TMEM45B: variants seen among roughly 807,000 people sequenced by gnomAD.
TMEM45B encodes the protein transmembrane protein 45B.
Under a neutral mutation model 27.3 loss-of-function variants are expected in TMEM45B, and 29 were observed. That is an observed-to-expected ratio of 1.06 (90% CI 0.79 to 1.45). TMEM45B has a LOEUF of 1.45. Ranked by LOEUF, TMEM45B falls within the 40% of genes most tolerant of loss-of-function variation. The probability of loss-of-function intolerance (pLI) is 0.00; values close to 1 mark genes in which losing one functional copy is unlikely to be tolerated. For missense variants in TMEM45B, 348 were observed against 343.9 expected, an observed-to-expected ratio of 1.01 and a Z score of -0.09; for synonymous variants, 143 against 134.7, an observed-to-expected ratio of 1.06 and a Z score of -0.43.
chr11:129,843,043 G>A (rs921470076), intron 1 of TMEM45B, among the ~76,000 whole-genome samples: 43 of 152,286 alleles, frequency 2.8e-4, no homozygotes, highest in African/African-American at 9.1e-4. Context: ...AGGTTCAAGC[G>A]ATTCTTCTGC....
chr11:129,849,872 C>T (rs1243368508), intron 1 of TMEM45B, among the ~76,000 whole-genome samples: 2 of 152,182 alleles, frequency 1.3e-5, no homozygotes, highest in African/African-American at 2.4e-5. Flanking sequence ...ATGAGCAAGG[C>T]AGCCCCAAAT....
intron 1 of TMEM45B, among the ~76,000 whole-genome samples, chr11:129,821,595 T>C (rs2135551343): frequency 6.6e-6 from 1 of 152,332 alleles, no homozygotes; most frequent in African/African-American, 2.4e-5. Context: ...TTGTGCCCAT[T>C]TGAGATGTCA....
chr11:129,847,057 A>T (rs1947769683), intron 1 of TMEM45B, among the ~76,000 whole-genome samples: 1 of 152,208 alleles, frequency 6.6e-6, no homozygotes, highest in Non-Finnish European at 1.5e-5. Flanking sequence ...TCAACAAACG[A>T]GTATAATGCA....
chr11:129,854,663 G>A lies in TMEM45B; in HGVS notation c.232G>A (p.Glu78Lys). The A allele has an allele frequency of 1.2e-6, 2 of 1,614,208 alleles. No homozygotes were observed. The highest frequency in any genetic ancestry group is 1.1e-5 in the South Asian group (1 of 91,086). The change falls in exon 3 of 6, where the codon GAG (glutamate) becomes AAG (lysine). Residue 78 changes from glutamate (E) to lysine (K), a missense_variant. Transcript: ENST00000281441. ...PDGPHLHLYHENHWIKLMNWQ... is the reference protein window; with the variant it reads ...PDGPHLHLYHKNHWIKLMNWQ... ...TGGGCCCCACCTGCACCTCTACCAT[G>A]AGAACCACTGGATAAAGTTAATGAA...
intron 1 of TMEM45B, among the ~76,000 whole-genome samples, chr11:129,822,841 CTTT>C (rs981694529): frequency 8.2e-5 from 11 of 134,106 alleles, no homozygotes; most frequent in Middle Eastern, 3.9e-3. Context: ...AAACATTTTT[CTTT>C]TTTTTTTTTT....
At chr11:129,858,443 T>C (rs1053919823) in intron 5 of TMEM45B, 131 bp from the exon 6 acceptor site, 18 of 585,522 alleles carry the variant, frequency 3.1e-5, no homozygotes, top group Middle Eastern at 2.7e-4. Context: ...GTCTAGTTTA[T>C]AGACATGTAA....
At chr11:129,824,147 G>T (rs1947452366) in intron 1 of TMEM45B, among the ~76,000 whole-genome samples, 1 of 152,102 alleles carries the variant, frequency 6.6e-6, no homozygotes. Context: ...TCCTGCTTCG[G>T]TCTCACTGGG....
At chr11:129,851,560 T>TAAAAAAAAAAAAAAAAA (rs1555073025) in intron 1 of TMEM45B, among the ~76,000 whole-genome samples, 4 of 88,892 alleles carry the variant, frequency 4.5e-5, no homozygotes, top group East Asian at 3.0e-4. Context: ...AAAAAAAAAG[T>TAAAAAAAAAAAAAAAAA]CCCCTTCTCT....
intron 1 of TMEM45B, among the ~76,000 whole-genome samples, chr11:129,836,274 C>A (rs992891975): frequency 9.3e-6 from 1 of 107,658 alleles, no homozygotes; most frequent in Non-Finnish European, 1.9e-5. Context: ...CTTGTCTGGT[C>A]GTAAAGGTTC....
In TMEM45B at chr11:129,847,811, G is replaced by A. The variant is rs562629237; in HGVS notation, c.-8-4664G>A. Among the ~76,000 whole-genome samples the A allele has an allele frequency of 3.3e-4, 50 of 152,050 alleles. No individual in the cohort carries two copies. In the Middle Eastern group the frequency reaches 0.024, roughly 73 times the overall value. ...TTCTACACAGACACAGCAACCATCC[G>A]ATTTCTCAATCTTTTCCCCACCTTT... On this transcript the variant is annotated intron_variant, in intron 1 of 5. Transcript: ENST00000281441.
At chr11:129,825,989 G>GTTT (rs1277246593) in intron 1 of TMEM45B, among the ~76,000 whole-genome samples, 1 of 146,860 alleles carries the variant, frequency 6.8e-6, no homozygotes, top group Non-Finnish European at 1.5e-5. Flanking sequence ...GTTTTTTTTG[G>GTTT]TTTTTTTTTT....
At chr11:129,844,607 G>T (rs971448133) in intron 1 of TMEM45B, among the ~76,000 whole-genome samples, 2 of 152,152 alleles carry the variant, frequency 1.3e-5, no homozygotes, top group African/African-American at 4.8e-5. Flanking sequence ...GATCACTTGA[G>T]CCCAAGAAGT....
intron 1 of TMEM45B, among the ~76,000 whole-genome samples, chr11:129,852,190 T>C (rs1947856731): frequency 6.6e-6 from 1 of 152,146 alleles, no homozygotes; most frequent in South Asian, 2.1e-4. Context: ...TTTCTCTATC[T>C]GAGATCAATA....
chr11:129,836,056 T>C (rs1249019763), intron 1 of TMEM45B, among the ~76,000 whole-genome samples: 1 of 151,264 alleles, frequency 6.6e-6, no homozygotes, highest in African/African-American at 2.4e-5. Flanking sequence ...AGGCAGAGGG[T>C]GGAGTGAGCC....
intron 1 of TMEM45B, among the ~76,000 whole-genome samples, chr11:129,852,190 TG>T (rs1269332869): frequency 6.6e-6 from 1 of 152,146 alleles, no homozygotes; most frequent in Non-Finnish European, 1.5e-5. Context: ...TTTCTCTATC[TG>T]AGATCAATAA....
chr11:129,846,210 G>A (rs943228654), intron 1 of TMEM45B, among the ~76,000 whole-genome samples: 1 of 152,218 alleles, frequency 6.6e-6, no homozygotes, highest in African/African-American at 2.4e-5. Flanking sequence ...GCTCACGCCT[G>A]TAATCCCAGC....
chr11:129,820,233 T>C (rs1221976963), intron 1 of TMEM45B, among the ~76,000 whole-genome samples: 1 of 152,034 alleles, frequency 6.6e-6, no homozygotes, highest in African/African-American at 2.4e-5. Context: ...GAGAATCGCT[T>C]GAACCCAGGA....
At chr11:129,831,834 G>A (rs752612982) in intron 1 of TMEM45B, among the ~76,000 whole-genome samples, 3 of 152,132 alleles carry the variant, frequency 2.0e-5, no homozygotes, top group African/African-American at 7.2e-5. Flanking sequence ...TTGGGAGGCC[G>A]AGGCAGGCAG....
intron 1 of TMEM45B, among the ~76,000 whole-genome samples, chr11:129,823,202 C>T (rs1427752987): frequency 6.6e-6 from 1 of 152,208 alleles, no homozygotes; most frequent in African/African-American, 2.4e-5. Context: ...GAAGGTCACC[C>T]TCCAAATCCA....
Sources: gnomAD v4.1 joint callset for allele counts (sites outside exome capture counted in the v4.1 genomes callset) on GRCh38, gnomAD v4.1.1 for gene constraint, MANE v1.5 for transcripts, NCBI Gene and HGNC (gene_info 2026-07-23, HGNC 2026-07-21) for gene names.